LRRC4C: variants seen among roughly 807,000 people sequenced by gnomAD.
The protein encoded by LRRC4C is leucine rich repeat containing 4C, also known as leucine-rich repeat-containing protein 4C.
A neutral mutation model predicts 33.6 loss-of-function variants in LRRC4C; 5 were observed. That is an observed-to-expected ratio of 0.15 (90% CI 0.08 to 0.31). The LOEUF is 0.31. Among genes scored for constraint, LRRC4C ranks in the 10% least tolerant of loss-of-function variants. The pLI, the probability that LRRC4C is intolerant of heterozygous loss-of-function variation, is 1.00. For missense variants in LRRC4C, 560 were observed against 796.7 expected (o/e 0.70, Z 3.58); for synonymous variants, 329 against 302.0 (o/e 1.09, Z -0.93).
intron 5 of LRRC4C, among the ~76,000 whole-genome samples, chr11:40,161,878 T>A (rs982653720): frequency 6.6e-6 from 1 of 152,200 alleles, no homozygotes; most frequent in Non-Finnish European, 1.5e-5. Flanking sequence ...GTTGTGTCTG[T>A]GTGTGTAGTT....
chr11:40,215,188 T>C (rs757622463), intron 5 of LRRC4C, among the ~76,000 whole-genome samples: 4 of 152,188 alleles, frequency 2.6e-5, no homozygotes, highest in Non-Finnish European at 5.9e-5. Flanking sequence ...AAAAAATACT[T>C]TCACAGTCTA....
At chr11:40,646,714 C>T (rs577947793) in intron 3 of LRRC4C, among the ~76,000 whole-genome samples, 6 of 152,210 alleles carry the variant, frequency 3.9e-5, no homozygotes, top group Non-Finnish European at 8.8e-5. Flanking sequence ...TCACGCCATT[C>T]TCCTGCCTCA....
intron 1 of LRRC4C, chr11:41,222,738 CCATGACAGACA>C (rs1198409836): frequency 1.3e-5 from 2 of 151,084 alleles, no homozygotes; most frequent in East Asian, 3.9e-4. Flanking sequence ...GGAGCCTCTC[CCATGACAGACA>C]TTTGCCCACC....
chr11:40,981,478 T>C (rs1852534696), intron 1 of LRRC4C, among the ~76,000 whole-genome samples: 1 of 151,340 alleles, frequency 6.6e-6, no homozygotes, highest in Non-Finnish European at 1.5e-5. Context: ...TTCAGGAGAG[T>C]ATTATTGTTT....
At chr11:40,707,818 C>T (rs535839879) in intron 2 of LRRC4C, among the ~76,000 whole-genome samples, 75 of 152,216 alleles carry the variant, frequency 4.9e-4, no homozygotes, top group Non-Finnish European at 7.4e-4. Context: ...TGGTATAATT[C>T]GGCTGTGAAT....
At chr11:40,740,895 C>T (rs182798219) in intron 2 of LRRC4C, among the ~76,000 whole-genome samples, 2 of 151,874 alleles carry the variant, frequency 1.3e-5, no homozygotes, top group Non-Finnish European at 2.9e-5. Flanking sequence ...CTATACATTC[C>T]CCCCATTGGT....
At chr11:40,193,263 C>T (rs1195015052) in intron 5 of LRRC4C, among the ~76,000 whole-genome samples, 1 of 152,144 alleles carries the variant, frequency 6.6e-6, no homozygotes, top group South Asian at 2.1e-4. Context: ...AGGAAGCAGG[C>T]AGCAATCTTT....
chr11:40,659,628 T>C (rs1290842071), intron 2 of LRRC4C, among the ~76,000 whole-genome samples: 1 of 152,182 alleles, frequency 6.6e-6, no homozygotes, highest in Non-Finnish European at 1.5e-5. Flanking sequence ...ACTTAGGGTA[T>C]CTTTGACTTG....
At chr11:41,400,767 C>T (rs1215249907) in intron 1 of LRRC4C, among the ~76,000 whole-genome samples, 2 of 151,784 alleles carry the variant, frequency 1.3e-5, no homozygotes, top group Non-Finnish European at 2.9e-5. Flanking sequence ...GAGATTAGAC[C>T]TCAGTCTTCT....
chr11:40,785,905 G>C (rs1283675445), intron 2 of LRRC4C, among the ~76,000 whole-genome samples: 1 of 149,012 alleles, frequency 6.7e-6, no homozygotes, highest in Non-Finnish European at 1.5e-5. Context: ...GATATTGTTG[G>C]AAAAAAAAAC....
intron 1 of LRRC4C, among the ~76,000 whole-genome samples, chr11:41,075,179 TC>T (rs1939056401): frequency 6.6e-6 from 1 of 151,976 alleles, no homozygotes; most frequent in African/African-American, 2.4e-5. Context: ...ATGTTTAGGC[TC>T]AACGGTCACT....
intron 1 of LRRC4C, among the ~76,000 whole-genome samples, chr11:41,300,860 T>C (rs181207519): frequency 5.9e-5 from 9 of 152,260 alleles, no homozygotes; most frequent in African/African-American, 2.4e-5. Flanking sequence ...AAATACTACT[T>C]GTTACATCTT....
chr11:40,999,865 C>G (rs1189985600), intron 1 of LRRC4C, among the ~76,000 whole-genome samples: 3 of 152,030 alleles, frequency 2.0e-5, no homozygotes, highest in African/African-American at 7.2e-5. Flanking sequence ...AACATTGGAC[C>G]TGGTGCTTGA....
At chr11:40,502,422 TAA>T (rs1954822080) in intron 3 of LRRC4C, among the ~76,000 whole-genome samples, 1 of 152,102 alleles carries the variant, frequency 6.6e-6, no homozygotes, top group Non-Finnish European at 1.5e-5. Flanking sequence ...AAGAAAGGTT[TAA>T]AAGAGTCACA....
intron 2 of LRRC4C, among the ~76,000 whole-genome samples, chr11:40,765,574 A>G (rs987981133): frequency 6.6e-6 from 1 of 152,178 alleles, no homozygotes; most frequent in African/African-American, 2.4e-5. Context: ...ATGAAATCCA[A>G]CATAACACAG....
At chr11:40,500,763 A>G (rs1332894696) in intron 3 of LRRC4C, among the ~76,000 whole-genome samples, 3 of 152,116 alleles carry the variant, frequency 2.0e-5, no homozygotes, top group African/African-American at 4.8e-5. Context: ...GAGCCAACCC[A>G]TATCATTTCA....
At chr11:41,290,514 G>A (rs1949961380) in intron 1 of LRRC4C, among the ~76,000 whole-genome samples, 1 of 152,152 alleles carries the variant, frequency 6.6e-6, no homozygotes, top group African/African-American at 2.4e-5. Context: ...CGTTGTGCTT[G>A]CTGCTGAATG....
rs57476895 is a variant in LRRC4C at position 40,794,373 on chromosome 11, CAAAAAAAAAAA to C, written c.-407+139251_-407+139261del. Among the ~76,000 whole-genome samples, 564 of 77,242 alleles carry C rather than the reference CAAAAAAAAAAA, an allele frequency of 7.3e-3. 1 individual carries two copies. The highest frequency in any genetic ancestry group is 0.019 in the African/African-American group (537 of 27,814). 50.7% of individuals were successfully genotyped at this position (77,242 alleles called of 152,430 possible). ...ACAAAGCCACTCTCATAAACGCCAG[CAAAAAAAAAAA>C]AAAAAAAAAAAAAAAATGTGGCGGA... On this transcript the variant is annotated intron_variant, in intron 2 of 6. Coordinates refer to ENST00000528697, the MANE Select transcript of LRRC4C (RefSeq NM_001258419.2).
At chr11:40,789,032 G>T (rs1392160413) in intron 2 of LRRC4C, among the ~76,000 whole-genome samples, 1 of 146,388 alleles carries the variant, frequency 6.8e-6, no homozygotes, top group Non-Finnish European at 1.5e-5. Flanking sequence ...GGCAGAGCTT[G>T]CAGTGAGCCG....
Sources: allele counts gnomAD v4.1 joint callset (sites outside exome capture counted in the v4.1 genomes callset), GRCh38; gene constraint gnomAD v4.1.1; transcripts MANE v1.5; gene names NCBI Gene and HGNC (gene_info 2026-07-23, HGNC 2026-07-21).